The following TRPM2 variants were observed in gnomAD, a reference collection of about 807,000 sequenced individuals.
The protein encoded by TRPM2 is estrogen-responsive element-associated gene 1 protein.
TRPM2 carries 161 observed loss-of-function variants against 174.0 expected under a neutral mutation model. The observed-to-expected ratio is 0.93, with a 90% CI of 0.81 to 1.05. The LOEUF (loss-of-function observed/expected upper bound fraction) is 1.05, where lower values mean the gene tolerates loss of function less well. TRPM2 is among the 50% of genes least tolerant of loss of function. The pLI, the probability that TRPM2 is intolerant of heterozygous loss-of-function variation, is 0.00. For synonymous variants in TRPM2, 954 were observed against 861.3 expected (o/e 1.11, Z -1.88); for missense variants, 2,057 against 2,038.0 (o/e 1.01, Z -0.18).
chr21:44,384,121 GA>G (rs1221088987), intron 9 of TRPM2, among the ~76,000 whole-genome samples: 1 of 151,966 alleles, frequency 6.6e-6, no homozygotes, highest in Non-Finnish European at 1.5e-5. Context: ...ACTGGACTAA[GA>G]AAAAAGAAAG....
In TRPM2 at chr21:44,436,687, C is replaced by T. The variant is rs45536440; in HGVS notation, c.4062-375C>T. Among the ~76,000 whole-genome samples the T allele has an allele frequency of 7.7e-3, 1,141 of 147,448 alleles. 6 individuals are homozygous for T. Among genetic ancestry groups the T allele is most frequent in the Non-Finnish European group, 0.013 (863 of 66,604 alleles). On this transcript the variant is annotated intron_variant, in intron 28 of 31. Transcript: ENST00000397928. ...CCCCCAGGCTGCACTCAGCATCCCA[C>T]GTCACCCCCGGGAGGCACTCAGCAC...
chr21:44,380,110 G>A (rs751798783), intron 8 of TRPM2, among the ~76,000 whole-genome samples: 1 of 152,232 alleles, frequency 6.6e-6, no homozygotes, highest in Non-Finnish European at 1.5e-5. Context: ...CACGGGTGTC[G>A]GAAGGGCTGG....
At chr21:44,390,815 GAC>G in intron 9 of TRPM2, 87 bp from the exon 10 acceptor site, 1 of 1,573,212 alleles carries the variant, frequency 6.4e-7, no homozygotes, top group Non-Finnish European at 8.7e-7. Flanking sequence ...AAGGGCTCAT[GAC>G]ACATCCCTGA....
chr21:44,383,677 T>C lies in TRPM2; in HGVS notation c.1318+857T>C, dbSNP rs562695814. On this transcript the variant is annotated intron_variant, in intron 9 of 31. Transcript: ENST00000397928. The stretch of plus-strand genomic sequence containing the variant: ...TAGATATTATACAAATTATCTTCTC[T>C]GACAACAAGATGAAGTTAGGAATTA... Among the ~76,000 whole-genome samples, 302 of 152,328 alleles carry C rather than the reference T, an allele frequency of 2.0e-3. 1 individual carries two copies. Among genetic ancestry groups the C allele is most frequent in the African/African-American group, 6.9e-3 (288 of 41,564 alleles).
Position 44,391,227 on chromosome 21 carries a change from G to A in TRPM2, c.1441-45G>A. ...GGTCTTTGAGATCAGGATGACATGG[G>A]GTGATGACCAAATGCAACCGTCACT... On this transcript the variant is annotated intron_variant, in intron 10 of 31. Coordinates refer to ENST00000397928, the MANE Select transcript of TRPM2 (RefSeq NM_003307.4). This position sits in a 1 kb window ranked among gnomAD's most constrained non-coding sequence, Gnocchi z 5.0. The A allele has an allele frequency of 6.4e-7, 1 of 1,572,426 alleles. No homozygotes were observed.
At chr21:44,403,589 C>A (rs1015483445) in intron 16 of TRPM2, among the ~76,000 whole-genome samples, 1 of 151,584 alleles carries the variant, frequency 6.6e-6, no homozygotes, top group Non-Finnish European at 1.5e-5. Flanking sequence ...TACATGCACA[C>A]ACATGCACAC....
rs45551339 is a variant in TRPM2 at position 44,364,258 on chromosome 21, G to A, written c.399G>A (p.Thr133=). Residue 133 remains threonine (T), a synonymous_variant, in exon 3 of 32, where the codon ACG becomes ACA. Coordinates refer to ENST00000397928, the MANE Select transcript of TRPM2 (RefSeq NM_003307.4). ...ATGCCTTTGGCGACATCGTCTTCACGGGCCTGAGCCAGAAGGTGAAAAAGG... is the reference window on the plus strand; with the variant it reads ...ATGCCTTTGGCGACATCGTCTTCACAGGCCTGAGCCAGAAGGTGAAAAAGG... ...PTDAFGDIVF[T]GLSQKVKKYV... 2.9e-3 allele frequency: 4,718 copies of A among 1,614,166 alleles called. 96 individuals are homozygous for A. The African/African-American group carries it at 0.053, about 18-fold the overall frequency.
chr21:44,357,526 G>A (rs1037901088), intron 2 of TRPM2, among the ~76,000 whole-genome samples: 3 of 152,204 alleles, frequency 2.0e-5, no homozygotes, highest in Non-Finnish European at 4.4e-5. Context: ...AGGCTGCTGC[G>A]GCTCTCCTGT....
chr21:44,380,031 G>A (rs45552343), intron 8 of TRPM2, among the ~76,000 whole-genome samples: 2 of 152,322 alleles, frequency 1.3e-5, no homozygotes, highest in South Asian at 2.1e-4. Flanking sequence ...GCTGCAGGCC[G>A]CAGGGACACA....
chr21:44,417,201 G>C (rs1160525259), intron 20 of TRPM2, among the ~76,000 whole-genome samples: 2 of 123,986 alleles, frequency 1.6e-5, no homozygotes, highest in African/African-American at 3.2e-5. Flanking sequence ...CGTGGGCGTG[G>C]CTCTGCTCTC....
chr21:44,405,969 C>G lies in TRPM2; in HGVS notation c.2722C>G (p.Leu908Val), dbSNP rs1308531662. The G allele has an allele frequency of 5.0e-6, 8 of 1,608,872 alleles. No homozygotes were observed. The highest frequency in any genetic ancestry group is 6.8e-6 in the Non-Finnish European group (8 of 1,179,764). ...CTCTCTGGACTTCATCCTGTTCTGC[C>G]TCCGGCTCATGCACATTTTTACCAT... ...ILSLDFILFC[L>V]RLMHIFTISK... Residue 908 changes from leucine to valine, a missense_variant, in exon 18 of 32, where the codon CTC (leucine) becomes GTC (valine). Coordinates refer to ENST00000397928, the MANE Select transcript of TRPM2 (RefSeq NM_003307.4).
At chr21:44,413,576 C>T (rs952632560) in intron 19 of TRPM2, among the ~76,000 whole-genome samples, 1 of 152,206 alleles carries the variant, frequency 6.6e-6, no homozygotes, top group Non-Finnish European at 1.5e-5. Context: ...AAATTGAACT[C>T]CCCAGGCTTG....
chr21:44,401,317 C>T (rs2049609224), intron 15 of TRPM2, among the ~76,000 whole-genome samples: 1 of 152,174 alleles, frequency 6.6e-6, no homozygotes, highest in African/African-American at 2.4e-5. Flanking sequence ...CCTGAGCGTC[C>T]ACTGAGCACT....
chr21:44,405,137 A>G lies in TRPM2; in HGVS notation c.2539-5A>G, dbSNP rs1461139169. The G allele has an allele frequency of 1.9e-6, 3 of 1,613,174 alleles. No individual in the cohort carries two copies. The highest frequency in any genetic ancestry group is 3.3e-5 in the Admixed American group (2 of 59,968). On this transcript the variant is annotated splice_polypyrimidine_tract_variant and splice_region_variant and intron_variant, in intron 16 of 31. Coordinates refer to ENST00000397928, the MANE Select transcript of TRPM2 (RefSeq NM_003307.4). ...CTGCCTTCCTACCGCCCCTCTTCCC[A>G]GTAGCTCTTCTATGACCCTGACGAG...
chr21:44,377,498 G>A (rs1008915548), intron 6 of TRPM2, among the ~76,000 whole-genome samples: 4 of 152,226 alleles, frequency 2.6e-5, no homozygotes, highest in Admixed American at 6.5e-5. Context: ...GACTTTAAAC[G>A]GCGACTCAGC....
At chr21:44,357,807 A>G (rs1200357910) in intron 2 of TRPM2, among the ~76,000 whole-genome samples, 1 of 152,182 alleles carries the variant, frequency 6.6e-6, no homozygotes, top group Non-Finnish European at 1.5e-5. Flanking sequence ...CCTTGAAAGC[A>G]GGCCCCTCTG....
chr21:44,424,015 C>T lies in TRPM2; in HGVS notation c.3549+283C>T, dbSNP rs867923439. On this transcript the variant is annotated intron_variant, in intron 23 of 31. Transcript: ENST00000397928. ...AGGAAACAGAGTGCTTCTCCCCTCC[C>T]GGCCTCCAGGGAGGCTGTGGGACTC... Among the ~76,000 whole-genome samples, 53 of 152,238 alleles carry T rather than the reference C, an allele frequency of 3.5e-4. No individual in the cohort carries two copies. In the Middle Eastern group the frequency reaches 0.01, roughly 29 times the overall value.
chr21:44,390,892 G>C lies in TRPM2; in HGVS notation c.1319-12G>C. 1 of 1,614,016 alleles carries C rather than the reference G, an allele frequency of 6.2e-7. No homozygotes were observed. The highest frequency in any genetic ancestry group is 8.5e-7 in the Non-Finnish European group (1 of 1,180,032). ...CCAGATCGAGGCCCAATATGCACCTGTTCATCTGCAGCCTCACGGAGCCAA... is the reference window on the plus strand; with the variant it reads ...CCAGATCGAGGCCCAATATGCACCTCTTCATCTGCAGCCTCACGGAGCCAA... On this transcript the variant is annotated splice_polypyrimidine_tract_variant and intron_variant, in intron 9 of 31. Coordinates refer to ENST00000397928, the MANE Select transcript of TRPM2 (RefSeq NM_003307.4).
At chr21:44,426,129 C>T (rs2050764545) in intron 25 of TRPM2, among the ~76,000 whole-genome samples, 2 of 147,770 alleles carry the variant, frequency 1.4e-5, no homozygotes, top group Admixed American at 6.7e-5. Context: ...CGGCCCCATT[C>T]CCCCAGGTCA....
Sources: gnomAD v4.1 joint callset for allele counts (sites outside exome capture counted in the v4.1 genomes callset) on GRCh38, gnomAD v4.1.1 for gene constraint, Gnocchi (gnomAD v3.1) non-coding constraint, MANE v1.5 for transcripts, NCBI Gene and HGNC (gene_info 2026-07-23, HGNC 2026-07-21) for gene names.